The following NRG1 variants were observed in gnomAD, a reference collection of about 807,000 sequenced individuals.
NRG1 encodes the protein pro-neuregulin-1, membrane-bound isoform.
Under a neutral mutation model 63.8 loss-of-function variants are expected in NRG1, and 18 were observed. The observed-to-expected ratio is 0.28, with a 90% CI of 0.19 to 0.42. NRG1 has a LOEUF of 0.42. Ranked by LOEUF, NRG1 falls within the 10% of genes least tolerant of loss-of-function variation. The probability of loss-of-function intolerance (pLI) is 1.00; values close to 1 mark genes in which losing one functional copy is unlikely to be tolerated. For synonymous variants in NRG1, 302 were observed against 301.3 expected (o/e 1.00, Z -0.02); for missense variants, 762 against 814.7 (o/e 0.94, Z 0.79).
chr8:32,514,470 C>T (rs563192238), intron 1 of NRG1, among the ~76,000 whole-genome samples: 3 of 152,100 alleles, frequency 2.0e-5, no homozygotes, highest in Admixed American at 6.5e-5. Flanking sequence ...ATGTAACATA[C>T]AACAAATGTT....
intron 1 of NRG1, among the ~76,000 whole-genome samples, chr8:32,404,982 C>T (rs951592110): frequency 1.3e-5 from 2 of 152,158 alleles, no homozygotes; most frequent in African/African-American, 2.4e-5. Context: ...GCAAAAAGCT[C>T]TTTTCACGTC....
chr8:32,717,724 G>A (rs776737594), intron 5 of NRG1, among the ~76,000 whole-genome samples: 13 of 152,124 alleles, frequency 8.5e-5, no homozygotes, highest in Non-Finnish European at 1.6e-4. Flanking sequence ...ATATAGCAAC[G>A]TGCAGTCTGG....
At chr8:31,704,100 T>C (rs1005865769) in intron 1 of NRG1, among the ~76,000 whole-genome samples, 8 of 152,230 alleles carry the variant, frequency 5.3e-5, no homozygotes, top group African/African-American at 1.9e-4. Context: ...ATCAGATTTA[T>C]GCAAAGTAGT....
chr8:32,639,706 G>C (rs564597337), intron 5 of NRG1, among the ~76,000 whole-genome samples: 1 of 152,296 alleles, frequency 6.6e-6, no homozygotes, highest in East Asian at 1.9e-4. Flanking sequence ...GTGATATGCT[G>C]TGCTATATAC....
At chr8:31,754,010 G>A (rs62508562) in intron 1 of NRG1, among the ~76,000 whole-genome samples, 1,692 of 152,182 alleles carry the variant, frequency 0.011, 14 homozygotes, top group Admixed American at 0.017. Context: ...AGATGTTAAA[G>A]TATGTTGTTC....
intron 1 of NRG1, among the ~76,000 whole-genome samples, chr8:32,044,899 T>G (rs1175538683): frequency 3.9e-5 from 1 of 25,506 alleles, no homozygotes; most frequent in African/African-American, 1.2e-4. Context: ...CTTAAGAACT[T>G]ACATAAAGAA....
At chr8:32,078,168 G>A (rs112165237) in intron 1 of NRG1, among the ~76,000 whole-genome samples, 5 of 152,142 alleles carry the variant, frequency 3.3e-5, no homozygotes, top group African/African-American at 1.2e-4. Flanking sequence ...TTGGAGGTGG[G>A]GCCTCACTGG....
At chr8:32,198,044 T>C (rs948650464) in intron 1 of NRG1, among the ~76,000 whole-genome samples, 2 of 152,220 alleles carry the variant, frequency 1.3e-5, no homozygotes, top group African/African-American at 2.4e-5. Flanking sequence ...GGGCCAAATA[T>C]TGCATGAGGA....
chr8:32,317,707 G>A (rs1271654017), intron 1 of NRG1, among the ~76,000 whole-genome samples: 1 of 152,152 alleles, frequency 6.6e-6, no homozygotes, highest in African/African-American at 2.4e-5. Flanking sequence ...ACAAATGCAA[G>A]GATAAAATAG....
At chr8:31,835,990 G>A (rs1403390508) in intron 1 of NRG1, among the ~76,000 whole-genome samples, 2 of 152,140 alleles carry the variant, frequency 1.3e-5, no homozygotes, top group Non-Finnish European at 2.9e-5. Flanking sequence ...AAATTTAAAT[G>A]TAAATACCCA....
At chr8:32,415,088 T>C (rs13251767) in intron 1 of NRG1, among the ~76,000 whole-genome samples, 8,704 of 152,234 alleles carry the variant, frequency 0.057, 333 homozygotes, top group Middle Eastern at 0.1. Flanking sequence ...TTCTGTAGTG[T>C]ATTTCTGTGG....
chr8:32,130,748 G>A (rs916924232), intron 1 of NRG1, among the ~76,000 whole-genome samples: 1 of 151,920 alleles, frequency 6.6e-6, no homozygotes. Context: ...TTCTTACTTA[G>A]AGTTTCAGAT....
At chr8:32,635,861 T>A (rs1273089744) in intron 5 of NRG1, among the ~76,000 whole-genome samples, 1 of 152,180 alleles carries the variant, frequency 6.6e-6, no homozygotes. Context: ...CATCCAAAAC[T>A]TTTTTCTTTG....
At chr8:32,137,004 CA>C (rs1173407808) in intron 1 of NRG1, among the ~76,000 whole-genome samples, 1 of 152,102 alleles carries the variant, frequency 6.6e-6, no homozygotes, top group Non-Finnish European at 1.5e-5. Context: ...TTACATTTTA[CA>C]GAGGCATATA....
chr8:32,073,185 A>G (rs557973147), intron 1 of NRG1, among the ~76,000 whole-genome samples: 5 of 152,296 alleles, frequency 3.3e-5, no homozygotes, highest in Admixed American at 2.0e-4. Flanking sequence ...GTTCCGCGTC[A>G]TTCACTATCT....
At chr8:31,977,217 C>T (rs1808340384) in intron 1 of NRG1, among the ~76,000 whole-genome samples, 1 of 152,134 alleles carries the variant, frequency 6.6e-6, no homozygotes, top group African/African-American at 2.4e-5. Context: ...TACTTCTTTA[C>T]TTGGACATTA....
intron 1 of NRG1, among the ~76,000 whole-genome samples, chr8:31,977,100 A>G (rs776144001): frequency 2.0e-5 from 3 of 152,184 alleles, no homozygotes; most frequent in Non-Finnish European, 4.4e-5. Context: ...CAAATTACCA[A>G]TGTAATTTCC....
At position 32,659,146 on chromosome 8, in the gene NRG1, C is replaced by CTTTTTTTT. The variant is rs11408766; in HGVS notation, c.502+42270_502+42277dup. 1.2e-4 allele frequency among the ~76,000 whole-genome samples: 17 copies of CTTTTTTTT among 136,030 alleles called. 2 individuals are homozygous for CTTTTTTTT. The East Asian group carries it at 1.8e-3, about 14-fold the overall frequency. 89.2% of individuals were successfully genotyped at this position (136,030 alleles called of 152,430 possible). A position where few individuals can be genotyped will look rare whatever the true frequency, so the allele number is the denominator to read the frequency against. On this transcript the variant is annotated intron_variant, in intron 5 of 11. Coordinates refer to ENST00000356819, the Ensembl canonical transcript of NRG1. ...AGTAATAAATCTTTTCTTTTCTTTTCTTTTTTTTTTTTTTTTGAGACAGAG... is the reference window on the plus strand; with the variant it reads ...AGTAATAAATCTTTTCTTTTCTTTTCTTTTTTTTTTTTTTTTTTTTTTTTGAGACAGAG...
At chr8:31,708,635 C>G (rs1451424272) in intron 1 of NRG1, among the ~76,000 whole-genome samples, 2 of 151,430 alleles carry the variant, frequency 1.3e-5, no homozygotes, top group African/African-American at 4.9e-5. Context: ...TTAGTAGAGA[C>G]GGGGTTTCAC....
Sources: gnomAD v4.1 joint callset for allele counts (sites outside exome capture counted in the v4.1 genomes callset) on GRCh38, gnomAD v4.1.1 for gene constraint, MANE v1.5 for transcripts, NCBI Gene and HGNC (gene_info 2026-07-23, HGNC 2026-07-21) for gene names.